The following ATP8B4 variants were observed in gnomAD, a reference collection of about 807,000 sequenced individuals.
ATP8B4 encodes ATPase phospholipid transporting 8B4 (putative), also known as probable phospholipid-transporting ATPase IM.
In ATP8B4, 133 loss-of-function variants were observed where a neutral mutation model predicts 145.6. The ratio of observed to expected loss-of-function variants is 0.91; its 90% confidence interval spans 0.79 to 1.05. ATP8B4 has a LOEUF of 1.05. ATP8B4 is among the 50% of genes least tolerant of loss of function. ATP8B4 has a pLI of 0.00. For missense variants in ATP8B4, 1,458 were observed against 1,425.2 expected (o/e 1.02, Z -0.37); for synonymous variants, 507 against 492.9 (o/e 1.03, Z -0.38).
intron 1 of ATP8B4, among the ~76,000 whole-genome samples, chr15:50,173,189 G>A (rs1257898167): frequency 1.3e-5 from 2 of 151,914 alleles, no homozygotes; most frequent in Non-Finnish European, 2.9e-5. Flanking sequence ...CCCCGTCTGG[G>A]AGGTGTACCC....
intron 20 of ATP8B4, among the ~76,000 whole-genome samples, chr15:49,905,575 C>T (rs547925673): frequency 6.6e-6 from 1 of 152,170 alleles, no homozygotes; most frequent in East Asian, 1.9e-4. Flanking sequence ...CATATGTTGC[C>T]TCTCTGTCTT....
chr15:50,103,045 C>G (rs902587748), intron 2 of ATP8B4, among the ~76,000 whole-genome samples: 11 of 152,126 alleles, frequency 7.2e-5, no homozygotes, highest in Middle Eastern at 6.8e-3. Context: ...ATCCAGCATC[C>G]CTTTATGATT....
At chr15:50,047,207 A>C (rs1343628990) in intron 4 of ATP8B4, 144 bp downstream of exon 4, 1 of 601,956 alleles carries the variant, frequency 1.7e-6, no homozygotes, top group African/African-American at 1.9e-5. Flanking sequence ...TTGTGAAAAG[A>C]AACAGCAACA....
At chr15:49,973,791 A>G (rs1190458675) in intron 12 of ATP8B4, among the ~76,000 whole-genome samples, 1 of 152,232 alleles carries the variant, frequency 6.6e-6, no homozygotes, top group Non-Finnish European at 1.5e-5. Context: ...ACGTCATAGC[A>G]ACATAAGTTT....
At chr15:49,959,566 ACC>A (rs1308958153) in intron 14 of ATP8B4, among the ~76,000 whole-genome samples, 1 of 152,046 alleles carries the variant, frequency 6.6e-6, no homozygotes, top group Non-Finnish European at 1.5e-5. Context: ...ATACTTGGAA[ACC>A]CCACAAAAAA....
chr15:50,002,285 C>T (rs1193174629), intron 7 of ATP8B4, 62 bp from the exon 8 acceptor site: 14 of 1,343,476 alleles, frequency 1.0e-5, no homozygotes, highest in African/African-American at 4.4e-5. Flanking sequence ...AAGTCTTCTA[C>T]AGTATATCAC....
chr15:50,062,245 C>T (rs1308601506), intron 3 of ATP8B4, among the ~76,000 whole-genome samples: 2 of 152,100 alleles, frequency 1.3e-5, no homozygotes, highest in Non-Finnish European at 1.5e-5. Context: ...TATCACCATC[C>T]CCCTTGGTAC....
rs192184929 is a variant in ATP8B4 at position 50,174,875 on chromosome 15, C to T, written c.-43+7386G>A. On this transcript the variant is annotated intron_variant, in intron 1 of 3. Transcript: ENST00000558829. ...AAAAAGAACAAATCTGGAGGCATCA[C>T]ACTACCTGATTTCAAACAATACTAT... 1.1e-4 allele frequency among the ~76,000 whole-genome samples: 17 copies of T among 152,296 alleles called. No homozygotes were observed. The East Asian group carries it at 3.1e-3, about 28-fold the overall frequency.
intron 16 of ATP8B4, among the ~76,000 whole-genome samples, chr15:49,923,754 C>T (rs953678808): frequency 6.6e-6 from 1 of 152,122 alleles, no homozygotes. Flanking sequence ...AGCACATGAC[C>T]TTCCTGTTTT....
chr15:49,980,015 G>A (rs1329372727), intron 11 of ATP8B4, among the ~76,000 whole-genome samples: 3 of 152,100 alleles, frequency 2.0e-5, no homozygotes. Flanking sequence ...TTTGCCCATT[G>A]ACTCTCTAAG....
intron 1 of ATP8B4, among the ~76,000 whole-genome samples, chr15:50,157,890 G>C (rs540208207): frequency 6.6e-6 from 1 of 152,160 alleles, no homozygotes; most frequent in Non-Finnish European, 1.5e-5. Flanking sequence ...CAGTGCCTGC[G>C]ATTGCAGGCG....
Position 49,876,378 on chromosome 15 carries a change from G to A in ATP8B4, c.2927C>T (p.Ala976Val). 6.2e-7 allele frequency: 1 copy of A among 1,614,128 alleles called. No homozygotes were observed. Among genetic ancestry groups the A allele is most frequent in the Non-Finnish European group, 8.5e-7 (1 of 1,179,996 alleles). Residue 976 changes from alanine (A) to valine (V), a missense_variant, in exon 25 of 28, where the codon GCC (alanine) becomes GTC (valine). Ala to Val is a moderately conservative substitution (Grantham distance 64). Coordinates refer to ENST00000284509, the MANE Select transcript of ATP8B4 (RefSeq NM_024837.4). ...ATCTTCTCCAGCCACGTTGTAAAAG[G>A]CCCCATAGGGGATGAAGAAAAGGAC... ...SLVLFFIPYG[A>V]FYNVAGEDGQ...
intron 14 of ATP8B4, among the ~76,000 whole-genome samples, chr15:49,957,197 T>G (rs528705233): frequency 2.0e-5 from 3 of 152,018 alleles, no homozygotes; most frequent in Non-Finnish European, 4.4e-5. Context: ...TAGGAAAATA[T>G]GAGGAAACGA....
intron 7 of ATP8B4, 93 bp from the exon 8 acceptor site, chr15:50,002,316 A>G: frequency 3.1e-6 from 3 of 980,970 alleles, no homozygotes; most frequent in Non-Finnish European, 4.6e-6. Context: ...CTAAAGAGGC[A>G]ACAGAGCCTC....
intron 2 of ATP8B4, among the ~76,000 whole-genome samples, chr15:50,094,089 G>T (rs1470635105): frequency 6.6e-6 from 1 of 152,142 alleles, no homozygotes; most frequent in African/African-American, 2.4e-5. Context: ...ACTTGACTGG[G>T]CTACAGGGTG....
At chr15:49,951,493 G>A (rs977834320) in intron 14 of ATP8B4, among the ~76,000 whole-genome samples, 6 of 151,942 alleles carry the variant, frequency 3.9e-5, no homozygotes, top group Admixed American at 6.6e-5. Flanking sequence ...TTTAAAGTCC[G>A]ATTTGTCAGA....
chr15:49,902,995 T>A (rs2038207665), intron 20 of ATP8B4, among the ~76,000 whole-genome samples: 1 of 152,088 alleles, frequency 6.6e-6, no homozygotes, highest in East Asian at 1.9e-4. Flanking sequence ...GAAATTCTAT[T>A]TACTTAGGAT....
chr15:49,913,309 ATT>A (rs1349180997), intron 20 of ATP8B4, among the ~76,000 whole-genome samples: 2 of 152,182 alleles, frequency 1.3e-5, no homozygotes, highest in Non-Finnish European at 2.9e-5. Flanking sequence ...CAGAAAAATC[ATT>A]TGATAAAATT....
chr15:49,883,793 TAAA>T (rs541759581), intron 23 of ATP8B4, among the ~76,000 whole-genome samples: 3 of 151,230 alleles, frequency 2.0e-5, no homozygotes, highest in Non-Finnish European at 3.0e-5. Flanking sequence ...TAAATTATAT[TAAA>T]AAAAAACCCA....
Sources: gnomAD v4.1 joint callset for allele counts (sites outside exome capture counted in the v4.1 genomes callset) on GRCh38, gnomAD v4.1.1 for gene constraint, MANE v1.5 for transcripts, NCBI Gene and HGNC (gene_info 2026-07-23, HGNC 2026-07-21) for gene names.